Variants in IL15 observed in about 807,000 individuals in gnomAD.
IL15 encodes the protein interleukin 15.
In IL15, 11 loss-of-function variants were observed where a neutral mutation model predicts 19.6. The observed-to-expected ratio is 0.56, with a 90% CI of 0.35 to 0.93. The LOEUF (loss-of-function observed/expected upper bound fraction) is 0.93. Ranked by LOEUF, IL15 falls within the 40% of genes least tolerant of loss-of-function variation. The probability of loss-of-function intolerance (pLI) is 0.01; values close to 1 mark genes in which losing one functional copy is unlikely to be tolerated. For synonymous variants in IL15, 58 were observed against 59.6 expected, an observed-to-expected ratio of 0.97 and a Z score of 0.12; for missense variants, 197 against 186.5, an observed-to-expected ratio of 1.06 and a Z score of -0.33.
In IL15 at chr4:141,708,007, G is replaced by A. The variant is rs1183475275; in HGVS notation, c.-99-11359G>A. ...GAGCTGCTGCAGGACTGGATGTCGG[G>A]CTGCATGTGAATGTTTGTGGGTGCA... On this transcript the variant is annotated intron_variant, in intron 2 of 7. Coordinates refer to ENST00000320650, the MANE Select transcript of IL15 (RefSeq NM_000585.5). 2.0e-5 allele frequency among the ~76,000 whole-genome samples: 3 copies of A among 152,208 alleles called. No homozygotes were observed. In the East Asian group the frequency reaches 5.8e-4, roughly 29 times the overall value.
intron 2 of IL15, among the ~76,000 whole-genome samples, chr4:141,686,244 G>A (rs925480047): frequency 3.3e-5 from 5 of 151,732 alleles, no homozygotes; most frequent in Admixed American, 1.3e-4. Flanking sequence ...GCAGTAAGCC[G>A]AGATCATGCC....
intron 2 of IL15, among the ~76,000 whole-genome samples, chr4:141,705,334 C>T (rs1729474087): frequency 1.3e-5 from 2 of 151,588 alleles, no homozygotes; most frequent in Admixed American, 1.3e-4. Context: ...CCCTCATTGA[C>T]CCATTGGTTA....
At chr4:141,642,441 C>A (rs1727078884) in intron 1 of IL15, among the ~76,000 whole-genome samples, 1 of 152,162 alleles carries the variant, frequency 6.6e-6, no homozygotes, top group Non-Finnish European at 1.5e-5. Flanking sequence ...ATATATAGTT[C>A]AGCCTTCTTT....
At chr4:141,695,338 C>T (rs1729058498) in intron 2 of IL15, among the ~76,000 whole-genome samples, 1 of 93,184 alleles carries the variant, frequency 1.1e-5, no homozygotes, top group Non-Finnish European at 2.0e-5. Context: ...TAGTACTTGT[C>T]TTTCTGTGTC....
At chr4:141,717,591 A>T (rs1729927334) in intron 2 of IL15, 1 of 152,298 alleles carries the variant, frequency 6.6e-6, no homozygotes, top group African/African-American at 2.4e-5. Context: ...TCCCTTGTAA[A>T]TTAAGTTTGT....
chr4:141,720,877 G>C, intron 4 of IL15: 1 of 531,040 alleles, frequency 1.9e-6, no homozygotes, highest in Non-Finnish European at 3.3e-6. Context: ...GCAATTAAAA[G>C]TAGATATTTA....
chr4:141,687,611 G>C (rs1248660416), intron 2 of IL15, among the ~76,000 whole-genome samples: 1 of 152,128 alleles, frequency 6.6e-6, no homozygotes, highest in East Asian at 1.9e-4. Flanking sequence ...TAAGTGCTCA[G>C]TAAATTAGCA....
intron 7 of IL15, among the ~76,000 whole-genome samples, chr4:141,732,210 A>C (rs745626756): frequency 1.5e-4 from 23 of 152,190 alleles, no homozygotes; most frequent in Admixed American, 3.9e-4. Flanking sequence ...TCCCTAAAAG[A>C]GTACCTGAAT....
chr4:141,721,165 T>C (rs1344865415), intron 4 of IL15: 15 of 1,251,280 alleles, frequency 1.2e-5, no homozygotes, highest in Non-Finnish European at 1.4e-5. Flanking sequence ...TTGGGAACCA[T>C]AGATTTGTGC....
rs75986954 is a variant in IL15 at position 141,721,320 on chromosome 4, A to T, written c.111-604A>T. 3.9e-4 allele frequency: 250 copies of T among 634,978 alleles called. 2 individuals carry two copies. In the African/African-American group the frequency reaches 4.2e-3, roughly 11 times the overall value. 39.3% of individuals were successfully genotyped at this position (634,978 alleles called of 1,614,324 possible). ...CAGTATAAGTGTATTTTGTCTGGAT[A>T]TTAAATTTTAATTTTTATGAAATTT... On this transcript the variant is annotated intron_variant, in intron 4 of 7. Transcript: ENST00000320650.
chr4:141,723,681 T>C (rs1730168033), intron 5 of IL15, among the ~76,000 whole-genome samples: 1 of 152,210 alleles, frequency 6.6e-6, no homozygotes, highest in Non-Finnish European at 1.5e-5. Context: ...GAAGTGGCTA[T>C]ATTAACATCA....
intron 2 of IL15, among the ~76,000 whole-genome samples, chr4:141,700,075 T>A (rs371946271): frequency 3.9e-5 from 6 of 152,104 alleles, no homozygotes; most frequent in African/African-American, 1.4e-4. Flanking sequence ...CCCACCACCA[T>A]GCCTGGCTAA....
chr4:141,678,560 G>A (rs1728427962), intron 2 of IL15, among the ~76,000 whole-genome samples: 1 of 149,126 alleles, frequency 6.7e-6, no homozygotes, highest in Non-Finnish European at 1.5e-5. Flanking sequence ...TATTTGATCT[G>A]GTGCACACAA....
At chr4:141,708,360 G>A (rs1729595341) in intron 2 of IL15, among the ~76,000 whole-genome samples, 1 of 152,186 alleles carries the variant, frequency 6.6e-6, no homozygotes, top group Admixed American at 6.5e-5. Context: ...GATGGAGACA[G>A]TCAGTTGCTA....
chr4:141,683,347 G>C (rs887217420), intron 2 of IL15, among the ~76,000 whole-genome samples: 5 of 151,942 alleles, frequency 3.3e-5, no homozygotes, highest in African/African-American at 1.2e-4. Context: ...AAGGTGGGTG[G>C]ATTGCCTGAA....
chr4:141,666,268 G>A (rs1287649587), intron 2 of IL15, among the ~76,000 whole-genome samples: 3 of 151,936 alleles, frequency 2.0e-5, no homozygotes, highest in East Asian at 3.9e-4. Context: ...GTCCCCGGGC[G>A]TGGTGGCTCA....
chr4:141,687,100 G>T (rs1728736879), intron 2 of IL15, among the ~76,000 whole-genome samples: 1 of 152,154 alleles, frequency 6.6e-6, no homozygotes, highest in Admixed American at 6.5e-5. Flanking sequence ...TTCATTGTTT[G>T]GAAGGAAGCC....
At chr4:141,659,850 C>T (rs1727732440) in intron 2 of IL15, among the ~76,000 whole-genome samples, 1 of 149,240 alleles carries the variant, frequency 6.7e-6, no homozygotes, top group Non-Finnish European at 1.5e-5. Context: ...TTCTGTTTTT[C>T]TTTTTATGAA....
Position 141,720,473 on chromosome 4 carries a change from C to T in IL15, c.17C>T (p.Pro6Leu), listed in dbSNP as rs746860951. 2 of 1,546,472 alleles carry T rather than the reference C, an allele frequency of 1.3e-6. No homozygotes were observed. The highest frequency in any genetic ancestry group is 1.1e-5 in the South Asian group (1 of 87,924). Residue 6 changes from proline to leucine, a missense_variant, in exon 4 of 8, where the codon CCA becomes CTA. Transcript: ENST00000320650. MRISK[P>L]HLRSISIQCY... ...GTCTATGATTATATTTTTCAGAAAC[C>T]ACATTTGAGAAGTATTTCCATCCAG...
Sources: allele counts gnomAD v4.1 joint callset (sites outside exome capture counted in the v4.1 genomes callset), GRCh38; gene constraint gnomAD v4.1.1; transcripts MANE v1.5; gene names NCBI Gene and HGNC (gene_info 2026-07-23, HGNC 2026-07-21).